RTKN: variants seen among roughly 807,000 people sequenced by gnomAD.
RTKN encodes the protein rhotekin.
Under a neutral mutation model 63.5 loss-of-function variants are expected in RTKN, and 49 were observed. The ratio of observed to expected loss-of-function variants is 0.77; its 90% CI spans 0.61 to 0.98. RTKN has a LOEUF of 0.98. Among genes scored for constraint, RTKN ranks in the 50% least tolerant of loss-of-function variants. The pLI, the probability that RTKN is intolerant of heterozygous loss-of-function variation, is 0.00. For missense variants in RTKN, 685 were observed against 740.8 expected, an observed-to-expected ratio of 0.92 and a Z score of 0.87; for synonymous variants, 295 against 290.4, an observed-to-expected ratio of 1.02 and a Z score of -0.16.
In RTKN at chr2:74,427,290, G is replaced by GATTTT. The variant is rs1670450085; in HGVS notation, c.1256-18_1256-17insAAAAT. ...TCCATTGGCCTGGAAGAAGAGCGCT[G>GATTTT]ATTAAAAGAGAGAGCCAGGCTGCCC... On this transcript the variant is annotated splice_polypyrimidine_tract_variant and intron_variant, in intron 10 of 11. Coordinates refer to ENST00000272430, the MANE Select transcript of RTKN (RefSeq NM_001015055.2). 6 of 1,612,384 alleles carry GATTTT rather than the reference G, an allele frequency of 3.7e-6. No individual in the cohort carries two copies. The highest frequency in any genetic ancestry group is 5.1e-6 in the Non-Finnish European group (6 of 1,178,430).
chr2:74,439,658 C>G, intron 1 of RTKN: 6 of 1,613,266 alleles, frequency 3.7e-6, no homozygotes, highest in Non-Finnish European at 5.1e-6. Flanking sequence ...CTTGTCAACC[C>G]CTCCAGAGGG....
rs768190695 is a variant in RTKN, at chr2:74,427,475, C to G, written c.1204G>C (p.Glu402Gln). 6.2e-7 allele frequency: 1 copy of G among 1,614,204 alleles called. No individual in the cohort carries two copies. The highest frequency in any genetic ancestry group is 8.5e-7 in the Non-Finnish European group (1 of 1,180,034). Residue 402 changes from glutamate to glutamine, a missense_variant, in exon 10 of 12, where the codon GAA becomes CAA. Coordinates refer to ENST00000272430, the MANE Select transcript of RTKN (RefSeq NM_001015055.2). ...VTHTLQTESREALQSWMEALW... is the reference protein window; with the variant it reads ...VTHTLQTESRQALQSWMEALW... ...GCCTCCATCCAGCTCTGCAGTGCTT[C>G]CCGACTTTCTGTCTGAAGGGTGTGT...
chr2:74,426,461 G>A lies in RTKN; in HGVS notation c.1474C>T (p.Leu492=), dbSNP rs1670398257. 1 of 1,611,126 alleles carries A rather than the reference G, an allele frequency of 6.2e-7. No individual in the cohort carries two copies. Among genetic ancestry groups the A allele is most frequent in the Non-Finnish European group, 8.5e-7 (1 of 1,178,490 alleles). Residue 492 remains leucine (L), a synonymous_variant, in exon 12 of 12, where the codon CTG becomes TTG. Transcript: ENST00000272430. ...GAGGCAGGCGAGCAGGGGTTAGGCA[G>A]GGCAGGCTGGTCTGTAAACATTGCC... is the stretch of plus-strand genomic sequence containing the variant. ...WLAMFTDQPA[L]PNPCSPASVA... is the part of the protein sequence containing the mutation.
intron 11 of RTKN, 29 bp downstream of exon 11, chr2:74,427,140 T>C: frequency 6.3e-7 from 1 of 1,597,416 alleles, no homozygotes; most frequent in Non-Finnish European, 8.6e-7. Flanking sequence ...TCCCATTAGC[T>C]TCCTGGAGTT....
Position 74,430,667 on chromosome 2 carries a change from T to A in RTKN, c.322A>T (p.Ser108Cys), listed in dbSNP as rs773885920. 1.2e-6 allele frequency: 2 copies of A among 1,612,556 alleles called. No individual in the cohort carries two copies. Among genetic ancestry groups the A allele is most frequent in the Non-Finnish European group, 1.7e-6 (2 of 1,179,846 alleles). Residue 108 changes from serine to cysteine, a missense_variant, in exon 3 of 12, where the codon AGT (serine) becomes TGT (cysteine). Physicochemically the swap from Ser to Cys is moderately radical, Grantham distance 112 (BLOSUM62 -1). Coordinates refer to ENST00000272430, the MANE Select transcript of RTKN (RefSeq NM_001015055.2). The part of the protein sequence containing the change: ...LGKTSRRPSD[S>C]GPPAERSPCR... ...GGGGAGCGCTCAGCGGGCGGGCCAC[T>A]GTCAGAAGGCCTGTGGATAAATCAC... is the stretch of plus-strand genomic sequence containing the variant.
At chr2:74,431,601 T>C (rs992153527) in intron 2 of RTKN, among the ~76,000 whole-genome samples, 2 of 152,140 alleles carry the variant, frequency 1.3e-5, no homozygotes, top group Non-Finnish European at 2.9e-5. Context: ...TCAGAGGCTG[T>C]CCCCCCACCA....
Position 74,427,235 on chromosome 2 carries a change from C to T in RTKN, c.1294G>A (p.Glu432Lys). The part of the protein sequence containing the change: ...KQCCDEIMKI[E>K]TPAPRKPPQA... Reference sequence around the variant, plus strand: ...GGTGGTTTCCGGGGAGCAGGAGTTTCAATTTTCATGATTTCATCACAGCAC... The same window carrying T: ...GGTGGTTTCCGGGGAGCAGGAGTTTTAATTTTCATGATTTCATCACAGCAC... The change falls in exon 11 of 12, where the codon GAA (glutamate) becomes AAA (lysine). Residue 432 changes from glutamate to lysine, a missense_variant. Coordinates refer to ENST00000272430, the MANE Select transcript of RTKN (RefSeq NM_001015055.2). 1 of 1,614,174 alleles carries T rather than the reference C, an allele frequency of 6.2e-7. No individual in the cohort carries two copies. The highest frequency in any genetic ancestry group is 8.5e-7 in the Non-Finnish European group (1 of 1,180,032).
rs201347198 is a variant in RTKN, at chr2:74,426,268, C to T, written c.1667G>A (p.Arg556His). 3.3e-5 allele frequency: 53 copies of T among 1,614,018 alleles called. No homozygotes were observed. In the East Asian group the frequency reaches 9.1e-4, roughly 28 times the overall value. Residue 556 changes from arginine to histidine, a missense_variant, in exon 12 of 12, where the codon CGC becomes CAC. Arg to His is a conservative substitution (Grantham distance 29). Transcript: ENST00000272430. ...TRGLCSKGQP[R>H]TWLQSPV ...TCACACTGGTGACTGGAGCCAAGTG[C>T]GAGGTTGGCCTTTGCTGCAGAGGCC... is the stretch of plus-strand genomic sequence containing the variant.
chr2:74,427,883 G>A, intron 9 of RTKN: 1 of 486,778 alleles, frequency 2.1e-6, no homozygotes, highest in Non-Finnish European at 3.7e-6. Flanking sequence ...CCTCAGAACT[G>A]ACAAAAAGTA....
intron 2 of RTKN, 70 bp downstream of exon 2, chr2:74,432,397 G>T: frequency 7.1e-7 from 1 of 1,407,462 alleles, no homozygotes; most frequent in Non-Finnish European, 1.0e-6. Flanking sequence ...TGCCACACAC[G>T]CACATGCTGC....
Position 74,426,321 on chromosome 2 carries a change from G to A in RTKN, c.1614C>T (p.Leu538=). The A allele has an allele frequency of 6.2e-7, 1 of 1,613,898 alleles. No homozygotes were observed. The highest frequency in any genetic ancestry group is 8.5e-7 in the Non-Finnish European group (1 of 1,179,894). Residue 538 remains leucine, a synonymous_variant, in exon 12 of 12, where the codon CTC becomes CTT. Transcript: ENST00000272430. ...HSPRARSVAP[L]PPQRSPRTRG... ...TGGTCCGTGGGGATCGCTGAGGTGG[G>A]AGGGGGGCAACCGAGCGAGCCCTAG...
At position 74,432,668 on chromosome 2, in the gene RTKN, T is replaced by C. The variant is rs1343838817; in HGVS notation, c.112-2A>G. ...TAGCTTCCTCTGCAACTCCGTGTCC[T>C]AGCCAGGGTTGGGGGAAGGGTGAGA... is the stretch of plus-strand genomic sequence containing the variant. On this transcript the variant is annotated splice_acceptor_variant, in intron 1 of 11. Transcript: ENST00000272430. LOFTEE classifies it high-confidence loss of function. 6.2e-7 allele frequency: 1 copy of C among 1,613,990 alleles called. No homozygotes were observed. Among genetic ancestry groups the C allele is most frequent in the Non-Finnish European group, 8.5e-7 (1 of 1,179,904 alleles).
rs574880152 is a variant in RTKN at position 74,427,588 on chromosome 2, G to A, written c.1091C>T (p.Thr364Ile). 1.9e-6 allele frequency: 3 copies of A among 1,611,824 alleles called. No individual in the cohort carries two copies. In the South Asian group the frequency reaches 3.3e-5, roughly 18 times the overall value. Residue 364 changes from threonine to isoleucine, a missense_variant, in exon 10 of 12, where the codon ACT becomes ATT. Coordinates refer to ENST00000272430, the MANE Select transcript of RTKN (RefSeq NM_001015055.2). ...PLLTIAVNKE[T>I]RVRAGELDQA... ...GTCCAGCTCCCCTGCCCGGACTCGA[G>A]TCTCCTGCAGGAGAAAGAAGAGGTC...
chr2:74,429,007 G>A (rs1221819808), intron 6 of RTKN, 65 bp from the exon 7 acceptor site: 6 of 1,311,922 alleles, frequency 4.6e-6, no homozygotes, highest in Non-Finnish European at 6.6e-6. Context: ...AACTCTAAGG[G>A]CTGAGCAGAT....
chr2:74,427,917 T>G, intron 9 of RTKN: 2 of 476,938 alleles, frequency 4.2e-6, no homozygotes, highest in South Asian at 5.7e-5. Context: ...ATAAAAGGGA[T>G]AGGGAGCAAA....
intron 6 of RTKN, among the ~76,000 whole-genome samples, chr2:74,429,511 G>A (rs1172493267): frequency 6.6e-6 from 1 of 152,142 alleles, no homozygotes; most frequent in African/African-American, 2.4e-5. Flanking sequence ...GATCACTTGA[G>A]CCCAGGAGTT....
chr2:74,433,533 A>T (rs374450392), intron 1 of RTKN, among the ~76,000 whole-genome samples: 11 of 151,620 alleles, frequency 7.3e-5, no homozygotes, highest in Admixed American at 7.2e-4. Context: ...CTGTTGCCCA[A>T]GCTGGAGTGC....
At chr2:74,439,493 G>C (rs920830949) in intron 1 of RTKN, 1 of 1,583,250 alleles carries the variant, frequency 6.3e-7, no homozygotes, top group Non-Finnish European at 8.7e-7. Context: ...GGGCAGGGCA[G>C]AGATTGGGGC....
In RTKN at chr2:74,427,499, G is replaced by C; in HGVS notation, c.1180C>G (p.His394Asp). The C allele has an allele frequency of 6.2e-7, 1 of 1,614,200 alleles. No homozygotes were observed. Among genetic ancestry groups the C allele is most frequent in the Non-Finnish European group, 8.5e-7 (1 of 1,180,038 alleles). The change falls in exon 10 of 12, where the codon CAC becomes GAC. Residue 394 changes from histidine to aspartate, a missense_variant. His to Asp is a moderately conservative substitution (Grantham distance 81). Coordinates refer to ENST00000272430, the MANE Select transcript of RTKN (RefSeq NM_001015055.2). Reference protein sequence around the residue: ...SNQYGDDEVTHTLQTESREAL... With the variant: ...SNQYGDDEVTDTLQTESREAL... ...TCCCGACTTTCTGTCTGAAGGGTGTGTGTCACCTCATCATCCCCATACTGG... is the reference window on the plus strand; with the variant it reads ...TCCCGACTTTCTGTCTGAAGGGTGTCTGTCACCTCATCATCCCCATACTGG...
Sources: allele counts gnomAD v4.1 joint callset (sites outside exome capture counted in the v4.1 genomes callset), GRCh38; gene constraint gnomAD v4.1.1; transcripts MANE v1.5; gene names NCBI Gene and HGNC (gene_info 2026-07-23, HGNC 2026-07-21).